STK3: variants seen among roughly 807,000 people sequenced by gnomAD.
The protein encoded by STK3 is serine/threonine-protein kinase 3.
A neutral mutation model predicts 58.0 loss-of-function variants in STK3; 41 were observed. That is an observed-to-expected ratio of 0.71 (90% confidence interval 0.55 to 0.92). The LOEUF is 0.92. Among genes scored for constraint, STK3 ranks in the 40% least tolerant of loss-of-function variants. The pLI, the probability that STK3 is intolerant of heterozygous loss-of-function variation, is 0.00. For missense variants in STK3, 479 were observed against 602.7 expected, an observed-to-expected ratio of 0.79 and a Z score of 2.15; for synonymous variants, 170 against 191.0, an observed-to-expected ratio of 0.89 and a Z score of 0.91.
At chr8:98,412,252 T>A (rs554081847) in intron 3 of STK3, among the ~76,000 whole-genome samples, 1 of 152,332 alleles carries the variant, frequency 6.6e-6, no homozygotes. Context: ...TACCCTCTAC[T>A]GTCTCTAGGG....
At position 98,800,639 on chromosome 8, in the gene STK3, C is replaced by G. The variant is rs566634702; in HGVS notation, c.26+24876G>C. On this transcript the variant is annotated intron_variant, in intron 1 of 10. Coordinates refer to ENST00000419617, the MANE Select transcript of STK3 (RefSeq NM_006281.4). This position sits in a 1 kb window ranked among gnomAD's most constrained non-coding sequence, Gnocchi z 4.8. ...TGCGCGCAGCACTCATGGGCCAGCACGAGTTCCGGGTGGGTGTGGGCTTGA... is the reference window on the plus strand; with the variant it reads ...TGCGCGCAGCACTCATGGGCCAGCAGGAGTTCCGGGTGGGTGTGGGCTTGA... 6.6e-6 allele frequency among the ~76,000 whole-genome samples: 1 copy of G among 152,190 alleles called. No individual in the cohort carries two copies. Among genetic ancestry groups the G allele is most frequent in the Non-Finnish European group, 1.5e-5 (1 of 68,026 alleles).
intron 6 of STK3, among the ~76,000 whole-genome samples, chr8:98,596,563 T>G (rs1456074025): frequency 1.3e-5 from 2 of 152,184 alleles, no homozygotes; most frequent in East Asian, 1.9e-4. Context: ...AAATGGGTAG[T>G]AGGAGTCCAA....
intron 10 of STK3, among the ~76,000 whole-genome samples, chr8:98,457,238 T>C (rs1034761603): frequency 1.3e-5 from 2 of 152,238 alleles, no homozygotes; most frequent in Non-Finnish European, 2.9e-5. Flanking sequence ...TCTTCATTGA[T>C]TTTTAATCCA....
chr8:98,485,665 C>T (rs2131298763), intron 10 of STK3, among the ~76,000 whole-genome samples: 1 of 152,178 alleles, frequency 6.6e-6, no homozygotes, highest in East Asian at 1.9e-4. Context: ...GGAAATAGTA[C>T]AGACAATTGT....
intron 3 of STK3, among the ~76,000 whole-genome samples, chr8:98,833,286 T>C (rs1835608789): frequency 6.6e-6 from 1 of 152,098 alleles, no homozygotes; most frequent in South Asian, 2.1e-4. Flanking sequence ...AGAGTTAAGT[T>C]TTGCCTAAAG....
chr8:98,402,938 G>A (rs560559604), intron 3 of STK3, among the ~76,000 whole-genome samples: 5 of 152,320 alleles, frequency 3.3e-5, no homozygotes, highest in Admixed American at 6.5e-5. Flanking sequence ...TGGGGACACC[G>A]CAGCCCCAGA....
At chr8:98,858,366 A>T (rs1302598096) in intron 3 of STK3, among the ~76,000 whole-genome samples, 2 of 144,182 alleles carry the variant, frequency 1.4e-5, no homozygotes, top group Admixed American at 1.4e-4. Flanking sequence ...AGAGACAGAG[A>T]GAGAGTATAT....
intron 3 of STK3, among the ~76,000 whole-genome samples, chr8:98,876,033 A>G (rs1837549620): frequency 6.6e-6 from 1 of 152,210 alleles, no homozygotes; most frequent in African/African-American, 2.4e-5. Context: ...GCAGAGTCAT[A>G]GGAAACTTCC....
chr8:98,582,485 T>G lies in STK3; in HGVS notation c.823-2696A>C, dbSNP rs549968632. 4.6e-5 allele frequency among the ~76,000 whole-genome samples: 7 copies of G among 152,190 alleles called. No individual in the cohort carries two copies. The East Asian group carries it at 1.3e-3, about 29-fold the overall frequency. On this transcript the variant is annotated intron_variant, in intron 7 of 10. Coordinates refer to ENST00000419617, the MANE Select transcript of STK3 (RefSeq NM_006281.4). ...ACCCCTAGTTCTTTCCTATTTCCAT[T>G]TTTTGTTTTAGTTTTTTTAACATTT... is the stretch of plus-strand genomic sequence containing the variant.
intron 3 of STK3, among the ~76,000 whole-genome samples, chr8:98,857,425 G>A (rs1836723955): frequency 6.7e-6 from 1 of 150,024 alleles, no homozygotes; most frequent in Non-Finnish European, 1.5e-5. Flanking sequence ...TGGGAGCTTA[G>A]AATTTCTAGT....
chr8:98,797,884 G>C (rs1833280640), intron 1 of STK3, among the ~76,000 whole-genome samples: 1 of 152,144 alleles, frequency 6.6e-6, no homozygotes, highest in African/African-American at 2.4e-5. Flanking sequence ...GCAAAAGAAT[G>C]GTTGATGAAA....
chr8:98,401,110 G>A (rs1367489085), downstream of STK3, among the ~76,000 whole-genome samples: 2 of 152,222 alleles, frequency 1.3e-5, no homozygotes, highest in East Asian at 3.9e-4. Context: ...CATGCCTTAG[G>A]AGCCATGGAC....
chr8:98,809,697 A>G (rs1352857940), intron 1 of STK3, among the ~76,000 whole-genome samples: 1 of 152,200 alleles, frequency 6.6e-6, no homozygotes, highest in Non-Finnish European at 1.5e-5. Flanking sequence ...ATAATATTCC[A>G]TTGTATATAT....
chr8:98,790,191 C>T (rs1211564469), intron 1 of STK3, among the ~76,000 whole-genome samples: 1 of 152,164 alleles, frequency 6.6e-6, no homozygotes, highest in Non-Finnish European at 1.5e-5. Flanking sequence ...CAGTATCACC[C>T]TAATACCAAA....
intron 1 of STK3, among the ~76,000 whole-genome samples, chr8:98,779,440 C>T (rs1831939165): frequency 6.6e-6 from 1 of 152,192 alleles, no homozygotes; most frequent in African/African-American, 2.4e-5. Flanking sequence ...AACAACTCCA[C>T]AGACTGTCCA....
chr8:98,641,009 T>C, intron 6 of STK3, among the ~76,000 whole-genome samples: 1 of 151,350 alleles, frequency 6.6e-6, no homozygotes, highest in East Asian at 1.9e-4. Flanking sequence ...AGTATAAAAA[T>C]ATACTACTAT....
intron 1 of STK3, among the ~76,000 whole-genome samples, chr8:98,910,846 AC>A (rs1839102821): frequency 1.3e-5 from 2 of 152,208 alleles, no homozygotes; most frequent in Admixed American, 1.3e-4. Flanking sequence ...TCCCACGGTT[AC>A]AGTGCTCAAG....
intron 6 of STK3, among the ~76,000 whole-genome samples, chr8:98,680,551 C>T (rs1404909433): frequency 6.6e-6 from 1 of 152,084 alleles, no homozygotes; most frequent in East Asian, 1.9e-4. Flanking sequence ...GGTAAGTTGG[C>T]TAAGAAGTCA....
At chr8:98,814,842 A>G (rs1204059442) in intron 1 of STK3, among the ~76,000 whole-genome samples, 3 of 152,006 alleles carry the variant, frequency 2.0e-5, no homozygotes, top group Admixed American at 6.6e-5. Flanking sequence ...CACCATGCCC[A>G]GCTAATTTTT....
Sources: allele counts gnomAD v4.1 joint callset (sites outside exome capture counted in the v4.1 genomes callset), GRCh38; gene constraint gnomAD v4.1.1; non-coding constraint Gnocchi (gnomAD v3.1); transcripts MANE v1.5; gene names NCBI Gene and HGNC (gene_info 2026-07-23, HGNC 2026-07-21).